Variants in MDGA2 observed in about 807,000 individuals in gnomAD.
The protein encoded by MDGA2 is MAM domain-containing glycosylphosphatidylinositol anchor protein 2.
MDGA2 carries 40 observed loss-of-function variants against 117.8 expected under a neutral mutation model. The ratio of observed to expected loss-of-function variants is 0.34; its 90% CI spans 0.26 to 0.44. The LOEUF (loss-of-function observed/expected upper bound fraction) is 0.44. Among genes scored for constraint, MDGA2 ranks in the 20% least tolerant of loss-of-function variants. The pLI, the probability that MDGA2 is intolerant of heterozygous loss-of-function variation, is 1.00. For synonymous variants in MDGA2, 452 were observed against 439.0 expected (o/e 1.03, Z -0.37); for missense variants, 1,123 against 1,250.6 (o/e 0.90, Z 1.54).
At chr14:47,602,567 CA>C (rs1321678377) in intron 1 of MDGA2, among the ~76,000 whole-genome samples, 3 of 152,104 alleles carry the variant, frequency 2.0e-5, no homozygotes, top group African/African-American at 7.2e-5. Flanking sequence ...TAGTTTCCTG[CA>C]ATGTCTCTAT....
At chr14:47,320,206 G>T (rs1311678233) in intron 1 of MDGA2, among the ~76,000 whole-genome samples, 6 of 152,092 alleles carry the variant, frequency 3.9e-5, no homozygotes, top group Non-Finnish European at 5.9e-5. Flanking sequence ...AGCTGCCCTA[G>T]CAAACAAATA....
At position 47,406,461 on chromosome 14, in the gene MDGA2, T is replaced by C. The variant is rs559311093; in HGVS notation, c.281-104911A>G. Among the ~76,000 whole-genome samples, 3 of 146,458 alleles carry C rather than the reference T, an allele frequency of 2.0e-5. No individual in the cohort carries two copies. The South Asian group carries it at 6.5e-4, about 32-fold the overall frequency. On this transcript the variant is annotated intron_variant, in intron 1 of 16. Transcript: ENST00000399232. ...AAGCAGACACTAAAATAGCAGTAGA[T>C]TTGGAAACGAAATAAAAGTCTGAGG...
chr14:46,911,149 A>G (rs979402796), intron 10 of MDGA2, among the ~76,000 whole-genome samples: 3 of 152,192 alleles, frequency 2.0e-5, no homozygotes, highest in Non-Finnish European at 2.9e-5. Flanking sequence ...ACTTAAAATA[A>G]AAGTTAAATA....
intron 1 of MDGA2, among the ~76,000 whole-genome samples, chr14:47,627,820 T>C (rs1387585186): frequency 6.6e-6 from 1 of 152,202 alleles, no homozygotes; most frequent in African/African-American, 2.4e-5. Context: ...ACTGCCTTTA[T>C]GAGCTCTAAC....
intron 1 of MDGA2, among the ~76,000 whole-genome samples, chr14:47,369,146 T>C (rs887258108): frequency 1.9e-4 from 29 of 152,262 alleles, no homozygotes; most frequent in African/African-American, 6.3e-4. Flanking sequence ...GCTGGATATA[T>C]AGTTTTGCAA....
rs542037784 is a variant in MDGA2, at chr14:47,431,885, C to T, written c.281-130335G>A. Among the ~76,000 whole-genome samples, 405 of 152,164 alleles carry T rather than the reference C, an allele frequency of 2.7e-3. 2 individuals are homozygous for T. Among genetic ancestry groups the T allele is most frequent in the African/African-American group, 9.6e-3 (397 of 41,564 alleles). Reference sequence around the variant, plus strand: ...TAAGGGAACCTTTAAATTTGCCTAACATAGCTTTCCACGACATATTTGACT... The same window carrying T: ...TAAGGGAACCTTTAAATTTGCCTAATATAGCTTTCCACGACATATTTGACT... On this transcript the variant is annotated intron_variant, in intron 1 of 16. Coordinates refer to ENST00000399232, the MANE Select transcript of MDGA2 (RefSeq NM_001113498.3).
At chr14:47,325,026 G>A (rs1186714655) in intron 1 of MDGA2, among the ~76,000 whole-genome samples, 1 of 152,098 alleles carries the variant, frequency 6.6e-6, no homozygotes, top group Non-Finnish European at 1.5e-5. Flanking sequence ...AACAGGACAT[G>A]ATTATTGTGT....
At chr14:47,254,253 C>A (rs933741445) in intron 2 of MDGA2, among the ~76,000 whole-genome samples, 3 of 152,208 alleles carry the variant, frequency 2.0e-5, no homozygotes, top group African/African-American at 7.2e-5. Context: ...TTGAATTTCT[C>A]CTCAGAAAAT....
chr14:46,857,558 T>C (rs1275628545), intron 14 of MDGA2, among the ~76,000 whole-genome samples: 3 of 152,146 alleles, frequency 2.0e-5, no homozygotes, highest in Non-Finnish European at 4.4e-5. Context: ...TTGTGATGAA[T>C]GTAAATACGG....
chr14:47,627,743 C>T (rs927586314), intron 1 of MDGA2, among the ~76,000 whole-genome samples: 1 of 152,178 alleles, frequency 6.6e-6, no homozygotes, highest in East Asian at 1.9e-4. Flanking sequence ...TCCCCTTCCA[C>T]ATTGTGGAAG....
intron 5 of MDGA2, among the ~76,000 whole-genome samples, chr14:47,105,790 G>A (rs1410920241): frequency 6.6e-6 from 1 of 151,224 alleles, no homozygotes; most frequent in Admixed American, 6.6e-5. Flanking sequence ...CCCAAGCATC[G>A]CTGAGTCTTT....
intron 7 of MDGA2, among the ~76,000 whole-genome samples, chr14:47,053,476 C>G (rs1469117204): frequency 2.0e-5 from 3 of 151,480 alleles, no homozygotes; most frequent in African/African-American, 7.3e-5. Flanking sequence ...TTACTGTATT[C>G]TAAATGACCG....
intron 9 of MDGA2, among the ~76,000 whole-genome samples, chr14:46,938,532 ATCCATCTC>A (rs1884869194): frequency 1.4e-5 from 2 of 144,408 alleles, no homozygotes; most frequent in African/African-American, 5.2e-5. Flanking sequence ...AAGAACGAAA[ATCCATCTC>A]AAAAAAAAAA....
At position 47,521,988 on chromosome 14, in the gene MDGA2, C is replaced by T. The variant is rs184840470; in HGVS notation, c.280+152529G>A. ...CACCCAGCCCATAGGCATGTTTATA[C>T]TTACTTTTCAGACAAAACAAAACGA... On this transcript the variant is annotated intron_variant, in intron 1 of 16. Coordinates refer to ENST00000399232, the MANE Select transcript of MDGA2 (RefSeq NM_001113498.3). Among the ~76,000 whole-genome samples the T allele has an allele frequency of 2.4e-3, 371 of 152,094 alleles. 1 individual carries two copies. Among genetic ancestry groups the T allele is most frequent in the African/African-American group, 8.4e-3 (347 of 41,516 alleles).
chr14:47,519,428 A>G (rs1894822748), intron 1 of MDGA2, among the ~76,000 whole-genome samples: 2 of 152,162 alleles, frequency 1.3e-5, no homozygotes, highest in Non-Finnish European at 1.5e-5. Flanking sequence ...TTTAAATTGC[A>G]ATTTTGTATA....
intron 3 of MDGA2, among the ~76,000 whole-genome samples, chr14:47,178,596 G>A (rs1005641950): frequency 4.0e-5 from 6 of 151,872 alleles, no homozygotes; most frequent in Non-Finnish European, 7.4e-5. Flanking sequence ...CACTGACCTA[G>A]GTATAAGAAT....
chr14:47,212,338 A>C (rs893475567), intron 3 of MDGA2, among the ~76,000 whole-genome samples: 5 of 152,184 alleles, frequency 3.3e-5, no homozygotes, highest in Admixed American at 3.3e-4. Context: ...ATCTGCTAAA[A>C]TTTGGAATGA....
At chr14:46,974,110 T>C (rs1360323671) in intron 8 of MDGA2, among the ~76,000 whole-genome samples, 1 of 151,998 alleles carries the variant, frequency 6.6e-6, no homozygotes, top group Admixed American at 6.6e-5. Context: ...CCATTTATAA[T>C]AGTATCAAAA....
At chr14:47,243,345 G>A (rs1490900053) in intron 2 of MDGA2, among the ~76,000 whole-genome samples, 2 of 151,662 alleles carry the variant, frequency 1.3e-5, no homozygotes, top group Non-Finnish European at 3.0e-5. Context: ...GCAGGATGTG[G>A]GTGGGGCCAG....
Sources: allele counts gnomAD v4.1 joint callset (sites outside exome capture counted in the v4.1 genomes callset), GRCh38; gene constraint gnomAD v4.1.1; transcripts MANE v1.5; gene names NCBI Gene and HGNC (gene_info 2026-07-23, HGNC 2026-07-21).